UMPS: variants seen among roughly 807,000 people sequenced by gnomAD.
UMPS encodes the protein uridine monophosphate synthetase, also known as uridine 5'-monophosphate synthase.
Under a neutral mutation model 38.9 loss-of-function variants are expected in UMPS, and 21 were observed. That is an observed-to-expected ratio of 0.54 (90% confidence interval 0.38 to 0.78). The LOEUF is 0.78. Ranked by LOEUF, UMPS falls within the 30% of genes least tolerant of loss-of-function variation. The pLI, the probability that UMPS is intolerant of heterozygous loss-of-function variation, is 0.00. For missense variants in UMPS, 533 were observed against 591.6 expected, an observed-to-expected ratio of 0.90 and a Z score of 1.03; for synonymous variants, 208 against 219.3, an observed-to-expected ratio of 0.95 and a Z score of 0.45.
intron 5 of UMPS, among the ~76,000 whole-genome samples, chr3:124,743,421 A>T (rs2063570839): frequency 6.6e-6 from 1 of 151,642 alleles, no homozygotes; most frequent in African/African-American, 2.4e-5. Flanking sequence ...GCGGATCATG[A>T]GGTCAGGAGA....
At position 124,747,664 on chromosome 3, in the gene UMPS, T is replaced by C. The variant is rs1381829926; in HGVS notation, c.*3580T>C. The C allele has an allele frequency of 2.2e-6, 1 of 453,054 alleles. No individual in the cohort carries two copies. Among genetic ancestry groups the C allele is most frequent in the South Asian group, 1.6e-5 (1 of 64,462 alleles). The allele number at this position is 453,054 out of a possible 1,614,324, so 28.1% of individuals were successfully genotyped here. A position where few individuals can be genotyped will look rare whatever the true frequency, so the allele number is the denominator to read the frequency against. On this transcript the variant is annotated 3_prime_UTR_variant, in exon 6 of 6. Coordinates refer to ENST00000232607, the MANE Select transcript of UMPS (RefSeq NM_000373.4). Reference sequence around the variant, plus strand: ...TGCATGCCATGGAGTTCCAGGGTGGTTTATTACACGGCAATATCTAGCTAA... The same window carrying C: ...TGCATGCCATGGAGTTCCAGGGTGGCTTATTACACGGCAATATCTAGCTAA...
Position 124,745,795 on chromosome 3 carries a change from T to G in UMPS, c.*1711T>G, listed in dbSNP as rs10934684. Reference sequence around the variant, plus strand: ...AGGTGTCTTCAGTGTTGGAGTGATATGTTGAGAGGCCTTTGGAGTGATGTG... The same window carrying G: ...AGGTGTCTTCAGTGTTGGAGTGATAGGTTGAGAGGCCTTTGGAGTGATGTG... On this transcript the variant is annotated 3_prime_UTR_variant, in exon 6 of 6. Coordinates refer to ENST00000232607, the MANE Select transcript of UMPS (RefSeq NM_000373.4). The G allele has an allele frequency of 0.26, 118,363 of 453,818 alleles. 16,419 individuals are homozygous for G. The highest frequency in any genetic ancestry group is 0.35 in the East Asian group (5,063 of 14,360). 28.1% of individuals were successfully genotyped at this position (453,818 alleles called of 1,614,324 possible). A position where few individuals can be genotyped will look rare whatever the true frequency, so the allele number is the denominator to read the frequency against.
rs2063620551 is a variant in UMPS at position 124,748,557 on chromosome 3, C to T, written c.*4473C>T. On this transcript the variant is annotated 3_prime_UTR_variant, in exon 6 of 6. Transcript: ENST00000232607. The stretch of plus-strand genomic sequence containing the variant: ...CCAAGGGGGAAAGTCTTCCTCTAGA[C>T]AAGAGGCAGAGGGCTCCTCAGAGTC... 2.2e-6 allele frequency: 1 copy of T among 454,014 alleles called. No individual in the cohort carries two copies. Among genetic ancestry groups the T allele is most frequent in the Admixed American group, 2.3e-5 (1 of 42,556 alleles). The allele number at this position is 454,014 out of a possible 1,614,324, so 28.1% of individuals were successfully genotyped here.
rs1261203110 is a variant in UMPS at position 124,747,275 on chromosome 3, A to G, written c.*3191A>G. On this transcript the variant is annotated 3_prime_UTR_variant, in exon 6 of 6. Transcript: ENST00000232607. Reference sequence around the variant, plus strand: ...CCGACAGCAGAGCCCACACCACTCCAGTTGCAGTGGTTGCCATCTGGGTCA... The same window carrying G: ...CCGACAGCAGAGCCCACACCACTCCGGTTGCAGTGGTTGCCATCTGGGTCA... 1.1e-5 allele frequency: 5 copies of G among 454,520 alleles called. No homozygotes were observed. Among genetic ancestry groups the G allele is most frequent in the Non-Finnish European group, 2.2e-5 (5 of 226,246 alleles). The allele number at this position is 454,520 out of a possible 1,614,324, so 28.2% of individuals were successfully genotyped here. A position where few individuals can be genotyped will look rare whatever the true frequency, so the allele number is the denominator to read the frequency against.
At position 124,748,280 on chromosome 3, in the gene UMPS, C is replaced by T. The variant is rs979010814; in HGVS notation, c.*4196C>T. 5 of 453,700 alleles carry T rather than the reference C, an allele frequency of 1.1e-5. No homozygotes were observed. The highest frequency in any genetic ancestry group is 1.6e-5 in the South Asian group (1 of 64,466). The allele number at this position is 453,700 out of a possible 1,614,324, so 28.1% of individuals were successfully genotyped here. On this transcript the variant is annotated 3_prime_UTR_variant, in exon 6 of 6. Transcript: ENST00000232607. ...ATAATCAATGCTGTTTTATTAAATGCGGATTTTATTTTGGATTACAGGATG... is the reference window on the plus strand; with the variant it reads ...ATAATCAATGCTGTTTTATTAAATGTGGATTTTATTTTGGATTACAGGATG...
intron 1 of UMPS, chr3:124,733,794 T>G (rs1477139799): frequency 6.6e-6 from 1 of 152,538 alleles, no homozygotes; most frequent in Non-Finnish European, 1.5e-5. Flanking sequence ...GAAGAATTCT[T>G]GACATCTAGA....
At chr3:124,736,497 C>T (rs1225011843) in intron 2 of UMPS, among the ~76,000 whole-genome samples, 1 of 151,854 alleles carries the variant, frequency 6.6e-6, no homozygotes, top group African/African-American at 2.4e-5. Flanking sequence ...GAGACAAGGT[C>T]TCACTCTGTT....
chr3:124,735,868 T>C (rs906210206), intron 2 of UMPS, among the ~76,000 whole-genome samples: 1 of 152,150 alleles, frequency 6.6e-6, no homozygotes, highest in African/African-American at 2.4e-5. Flanking sequence ...TCCCAGCTAC[T>C]GGAGAGGCTG....
chr3:124,733,643 A>G (rs1173413535), intron 1 of UMPS: 2 of 174,680 alleles, frequency 1.1e-5, no homozygotes. Context: ...TATGTTTTGC[A>G]CGACGAGCTT....
Position 124,735,257 on chromosome 3 carries a change from A to G in UMPS, c.310+11A>G, listed in dbSNP as rs2063509561. 6.2e-7 allele frequency: 1 copy of G among 1,605,344 alleles called. No homozygotes were observed. The highest frequency in any genetic ancestry group is 8.5e-7 in the Non-Finnish European group (1 of 1,172,804). ...AAACAAAGGATTATGGTAAAATAAA[A>G]GTAACATAAAGCATGAAGTTAATTA... is the stretch of plus-strand genomic sequence containing the variant. On this transcript the variant is annotated intron_variant, in intron 2 of 5. Coordinates refer to ENST00000232607, the MANE Select transcript of UMPS (RefSeq NM_000373.4).
In UMPS at chr3:124,730,495, G is replaced by A. The variant is rs373254902; in HGVS notation, c.24G>A (p.Leu8=). 1 of 1,614,072 alleles carries A rather than the reference G, an allele frequency of 6.2e-7. No homozygotes were observed. The highest frequency in any genetic ancestry group is 1.3e-5 in the African/African-American group (1 of 74,934). Residue 8 remains leucine (L), a synonymous_variant, in exon 1 of 6, where the codon TTG becomes TTA. Transcript: ENST00000232607. MAVARAA[L]GPLVTGLYDV... ...CAATGGCGGTCGCTCGTGCAGCTTT[G>A]GGGCCATTGGTGACGGGTCTGTACG...
At chr3:124,734,567 T>G (rs950426325) in intron 1 of UMPS, among the ~76,000 whole-genome samples, 1 of 152,214 alleles carries the variant, frequency 6.6e-6, no homozygotes. Flanking sequence ...TTGAATAGAT[T>G]CATTCTTGTG....
Position 124,744,687 on chromosome 3 carries a change from G to A in UMPS, c.*603G>A, listed in dbSNP as rs2063583438. 4.4e-6 allele frequency: 2 copies of A among 454,122 alleles called. No individual in the cohort carries two copies. The highest frequency in any genetic ancestry group is 2.0e-5 in the African/African-American group (1 of 50,120). The allele number at this position is 454,122 out of a possible 1,614,324, so 28.1% of individuals were successfully genotyped here. A position where few individuals can be genotyped will look rare whatever the true frequency, so the allele number is the denominator to read the frequency against. ...GTCTCTCAAAGTGCTGGGATTACAGGTGTGAGCCACTGTGCCCAGCCTAAT... is the reference window on the plus strand; with the variant it reads ...GTCTCTCAAAGTGCTGGGATTACAGATGTGAGCCACTGTGCCCAGCCTAAT... On this transcript the variant is annotated 3_prime_UTR_variant, in exon 6 of 6. Transcript: ENST00000232607.
At chr3:124,742,351 A>G in intron 5 of UMPS, 85 bp downstream of exon 5, 1 of 993,954 alleles carries the variant, frequency 1.0e-6, no homozygotes, top group South Asian at 1.3e-5. Context: ...ATTATTATAC[A>G]CTTGCTTAAG....
rs537885160 is a variant in UMPS, at chr3:124,748,375, T to C, written c.*4291T>C. ...TAATTTGGCCTTGTATGAGTTACCC[T>C]GCAATCCCTTTGTTTTCCCCATAAC... On this transcript the variant is annotated 3_prime_UTR_variant, in exon 6 of 6. Transcript: ENST00000232607. The C allele has an allele frequency of 6.8e-5, 31 of 454,068 alleles. No individual in the cohort carries two copies. In the East Asian group the frequency reaches 1.8e-3, roughly 26 times the overall value. 28.1% of individuals were successfully genotyped at this position (454,068 alleles called of 1,614,324 possible).
chr3:124,730,650 G>T, intron 1 of UMPS, 23 bp downstream of exon 1: 9 of 1,607,878 alleles, frequency 5.6e-6, no homozygotes, highest in Non-Finnish European at 7.7e-6. Context: ...GAAGGGAAAG[G>T]ACAGGGCTTG....
chr3:124,746,952 C>T lies in UMPS; in HGVS notation c.*2868C>T, dbSNP rs1324739973. The T allele has an allele frequency of 2.2e-6, 1 of 454,008 alleles. No individual in the cohort carries two copies. The highest frequency in any genetic ancestry group is 4.4e-6 in the Non-Finnish European group (1 of 226,800). 28.1% of individuals were successfully genotyped at this position (454,008 alleles called of 1,614,324 possible). On this transcript the variant is annotated 3_prime_UTR_variant, in exon 6 of 6. Coordinates refer to ENST00000232607, the MANE Select transcript of UMPS (RefSeq NM_000373.4). ...CTCAGTCCCAACACTCACCCTTGTG[C>T]TACTGAGTCAGCTCTAAGAAAATCT...
In UMPS at chr3:124,747,099, G is replaced by A. The variant is rs146428655; in HGVS notation, c.*3015G>A. 11 of 453,806 alleles carry A rather than the reference G, an allele frequency of 2.4e-5. No individual in the cohort carries two copies. The highest frequency in any genetic ancestry group is 1.6e-4 in the African/African-American group (8 of 50,118). The allele number at this position is 453,806 out of a possible 1,614,324, so 28.1% of individuals were successfully genotyped here. ...CTGCAACCTTGACTTGGGCTCAAGC[G>A]ATCCGCTCAAGTAGCTGGAACTACT... On this transcript the variant is annotated 3_prime_UTR_variant, in exon 6 of 6. Transcript: ENST00000232607.
In UMPS at chr3:124,748,947, C is replaced by A; in HGVS notation, c.*4863C>A. 1 of 453,028 alleles carries A rather than the reference C, an allele frequency of 2.2e-6. No homozygotes were observed. Among genetic ancestry groups the A allele is most frequent in the Non-Finnish European group, 4.4e-6 (1 of 226,070 alleles). The allele number at this position is 453,028 out of a possible 1,614,324, so 28.1% of individuals were successfully genotyped here. A position where few individuals can be genotyped will look rare whatever the true frequency, so the allele number is the denominator to read the frequency against. ...GTAAGGACAGTCAGTGGGAAGTGGACGGGCCGCACAACCAAGGTTCTCATG... is the reference window on the plus strand; with the variant it reads ...GTAAGGACAGTCAGTGGGAAGTGGAAGGGCCGCACAACCAAGGTTCTCATG... On this transcript the variant is annotated 3_prime_UTR_variant, in exon 6 of 6. Transcript: ENST00000232607.
Sources: allele counts gnomAD v4.1 joint callset (sites outside exome capture counted in the v4.1 genomes callset), GRCh38; gene constraint gnomAD v4.1.1; transcripts MANE v1.5; gene names NCBI Gene and HGNC (gene_info 2026-07-23, HGNC 2026-07-21).